Variants in ABAT observed in about 807,000 individuals in gnomAD.
ABAT encodes 4-aminobutyrate aminotransferase, mitochondrial.
Under a neutral mutation model 64.6 loss-of-function variants are expected in ABAT, and 45 were observed. The ratio of observed to expected loss-of-function variants is 0.70; its 90% CI spans 0.55 to 0.89. The LOEUF (loss-of-function observed/expected upper bound fraction) is 0.89. Ranked by LOEUF, ABAT falls within the 40% of genes least tolerant of loss-of-function variation. The pLI, the probability that ABAT is intolerant of heterozygous loss-of-function variation, is 0.00. For synonymous variants in ABAT, 297 were observed against 250.5 expected, an observed-to-expected ratio of 1.19 and a Z score of -1.75; for missense variants, 633 against 658.4, an observed-to-expected ratio of 0.96 and a Z score of 0.42.
chr16:8,735,133 C>A (rs2058878379), intron 1 of ABAT, among the ~76,000 whole-genome samples: 1 of 144,124 alleles, frequency 6.9e-6, no homozygotes, highest in Non-Finnish European at 1.5e-5. Flanking sequence ...GAGATCGAGC[C>A]ACTGCACTCC....
intron 1 of ABAT, among the ~76,000 whole-genome samples, chr16:8,721,973 C>A (rs2058385270): frequency 6.6e-6 from 1 of 152,138 alleles, no homozygotes; most frequent in African/African-American, 2.4e-5. Flanking sequence ...TACTTCAGGC[C>A]CACTGCACAG....
intron 1 of ABAT, among the ~76,000 whole-genome samples, chr16:8,725,951 C>A (rs1248866648): frequency 1.3e-5 from 2 of 152,132 alleles, no homozygotes; most frequent in South Asian, 2.1e-4. Flanking sequence ...AGCTCAGTGA[C>A]CCCAGCATCT....
At chr16:8,674,769 G>A (rs1444797231) in intron 1 of ABAT, 58 bp downstream of exon 1, 1 of 152,330 alleles carries the variant, frequency 6.6e-6, no homozygotes, top group African/African-American at 2.4e-5. Flanking sequence ...GCCGAGAGGA[G>A]GTCCTTCTGC....
At position 8,783,985 on chromosome 16, in the gene ABAT, C is replaced by T. The variant is rs1236637630; in HGVS notation, c.*2555C>T. On this transcript the variant is annotated 3_prime_UTR_variant, in exon 16 of 16. Coordinates refer to ENST00000268251, the MANE Select transcript of ABAT (RefSeq NM_020686.6). ...TTCCTGAGACATGCTCTTTTGGGGG[C>T]TGGGGCTTTAGCTAGAAGAATTTCA... is the stretch of plus-strand genomic sequence containing the variant. 2.6e-5 allele frequency: 4 copies of T among 152,108 alleles called. No homozygotes were observed. Among genetic ancestry groups the T allele is most frequent in the African/African-American group, 9.7e-5 (4 of 41,410 alleles). 9.4% of individuals were successfully genotyped at this position (152,108 alleles called of 1,614,324 possible). A position where few individuals can be genotyped will look rare whatever the true frequency, so the allele number is the denominator to read the frequency against.
intron 1 of ABAT, chr16:8,713,422 C>G (rs1406705701): frequency 1.2e-5 from 2 of 162,386 alleles, no homozygotes; most frequent in African/African-American, 4.8e-5. Context: ...TAAAAAAAAT[C>G]TGTATTCTAT....
intron 1 of ABAT, among the ~76,000 whole-genome samples, chr16:8,711,246 T>G (rs2142082093): frequency 6.6e-6 from 1 of 152,276 alleles, no homozygotes; most frequent in South Asian, 2.1e-4. Context: ...AAATATTTCA[T>G]GATAAAAATT....
chr16:8,772,313 C>T (rs1003447727), intron 11 of ABAT, among the ~76,000 whole-genome samples: 1 of 140,254 alleles, frequency 7.1e-6, no homozygotes, highest in Admixed American at 7.1e-5. Context: ...TGAATGCTCT[C>T]ACCTTTATTT....
At chr16:8,772,541 C>G (rs1375086675) in intron 11 of ABAT, among the ~76,000 whole-genome samples, 1 of 152,234 alleles carries the variant, frequency 6.6e-6, no homozygotes, top group Non-Finnish European at 1.5e-5. Flanking sequence ...GCTTCTGAAG[C>G]TAAATTACTT....
In ABAT at chr16:8,779,573, T is replaced by A; in HGVS notation, c.1364T>A (p.Leu455Ter). Residue 455 changes from leucine to a stop codon, truncating the protein, a stop_gained, in exon 15 of 16, where the codon TTA (leucine) becomes TAA (stop). Transcript: ENST00000268251. LOFTEE classifies it high-confidence loss of function. ...GATTCCATACGGAATAAGCTCATTT[T>A]AATTGCCAGAAACAAAGGTAAGGGG... is the stretch of plus-strand genomic sequence containing the variant. ...PDDSIRNKLI[L>*]IARNKGVVLG... 1 of 1,614,100 alleles carries A rather than the reference T, an allele frequency of 6.2e-7. No homozygotes were observed. The highest frequency in any genetic ancestry group is 8.5e-7 in the Non-Finnish European group (1 of 1,179,986).
At chr16:8,734,877 A>C (rs1304870108) in intron 1 of ABAT, among the ~76,000 whole-genome samples, 1 of 152,068 alleles carries the variant, frequency 6.6e-6, no homozygotes, top group Non-Finnish European at 1.5e-5. Context: ...AAAGGAAACA[A>C]ACTGGGGGAT....
chr16:8,708,935 G>A (rs144290500), intron 1 of ABAT, among the ~76,000 whole-genome samples: 29 of 152,276 alleles, frequency 1.9e-4, no homozygotes, highest in African/African-American at 6.7e-4. Flanking sequence ...CACTTTAGGT[G>A]TATGTCAGTC....
At chr16:8,757,415 G>A (rs536184631) in intron 5 of ABAT, 7 of 362,106 alleles carry the variant, frequency 1.9e-5, no homozygotes, top group Admixed American at 1.1e-4. Context: ...TGATCCACCC[G>A]CCTTGGCCTC....
At chr16:8,720,923 C>G (rs1008142044) in intron 1 of ABAT, 1 of 152,214 alleles carries the variant, frequency 6.6e-6, no homozygotes, top group Non-Finnish European at 1.5e-5. Context: ...TGGGAAGCAG[C>G]GGAGTAGAAA....
chr16:8,700,543 G>A lies in ABAT; in HGVS notation c.-42+25832G>A, dbSNP rs140983472. Among the ~76,000 whole-genome samples, 52 of 152,204 alleles carry A rather than the reference G, an allele frequency of 3.4e-4. 1 individual carries two copies. The East Asian group carries it at 8.1e-3, about 24-fold the overall frequency. On this transcript the variant is annotated intron_variant, in intron 1 of 15. Transcript: ENST00000268251. ...AGAACTTTATAAACGGAATCATACC[G>A]TAGATACTCCTTGATGTCAGGCGTC...
At chr16:8,740,719 A>C (rs2059139780) in intron 2 of ABAT, among the ~76,000 whole-genome samples, 1 of 152,212 alleles carries the variant, frequency 6.6e-6, no homozygotes, top group South Asian at 2.1e-4. Context: ...CAAAATTAAT[A>C]ATCTTATGTT....
At chr16:8,680,330 T>C (rs959920964) in intron 1 of ABAT, among the ~76,000 whole-genome samples, 1 of 152,254 alleles carries the variant, frequency 6.6e-6, no homozygotes, top group African/African-American at 2.4e-5. Flanking sequence ...ACACAGTAGA[T>C]ATTCAAGGAG....
At chr16:8,769,004 A>G (rs376141017) in intron 11 of ABAT, 31 bp downstream of exon 11, 167 of 1,613,644 alleles carry the variant, frequency 1.0e-4, no homozygotes, top group Middle Eastern at 1.0e-3. Flanking sequence ...ATCCTCCCCA[A>G]CCACCAGTCC....
chr16:8,738,356 C>G (rs1227872326), intron 2 of ABAT: 1 of 452,754 alleles, frequency 2.2e-6, no homozygotes. Flanking sequence ...CACTAAGAAA[C>G]TGACCTTGGT....
Position 8,781,114 on chromosome 16 carries a change from G to C in ABAT, c.1382-195G>C, listed in dbSNP as rs1346061891. On this transcript the variant is annotated intron_variant, in intron 15 of 15. Coordinates refer to ENST00000268251, the MANE Select transcript of ABAT (RefSeq NM_020686.6). The surrounding 1 kb of genome is among the most constrained non-coding windows in gnomAD (Gnocchi z 4.5). ...GAAGAGAATGATGGAGGAGATGAAT[G>C]AGGGGAGAGAGAAAGGAAATGAAGA... 1.4e-5 allele frequency: 11 copies of C among 805,384 alleles called. No individual in the cohort carries two copies. In the African/African-American group the frequency reaches 1.8e-4, roughly 14 times the overall value. 49.9% of individuals were successfully genotyped at this position (805,384 alleles called of 1,614,324 possible).
Sources: gnomAD v4.1 joint callset for allele counts (sites outside exome capture counted in the v4.1 genomes callset) on GRCh38, gnomAD v4.1.1 for gene constraint, Gnocchi (gnomAD v3.1) non-coding constraint, MANE v1.5 for transcripts, NCBI Gene and HGNC (gene_info 2026-07-23, HGNC 2026-07-21) for gene names.